TRIO: variants seen among roughly 807,000 people sequenced by gnomAD.
TRIO encodes triple functional domain protein.
Under a neutral mutation model 351.9 loss-of-function variants are expected in TRIO, and 58 were observed. The ratio of observed to expected loss-of-function variants is 0.16; its 90% CI spans 0.13 to 0.21. The LOEUF (loss-of-function observed/expected upper bound fraction) is 0.21, where lower values mean the gene tolerates loss of function less well. Ranked by LOEUF, TRIO falls within the 10% of genes least tolerant of loss-of-function variation. The probability of loss-of-function intolerance (pLI) is 1.00; values close to 1 mark genes in which losing one functional copy is unlikely to be tolerated. For missense variants in TRIO, 3,201 were observed against 4,027.8 expected, an observed-to-expected ratio of 0.79 and a Z score of 5.56; for synonymous variants, 1,758 against 1,595.7, an observed-to-expected ratio of 1.10 and a Z score of -2.42.
At chr5:14,254,175 A>G (rs1392111845) in intron 1 of TRIO, among the ~76,000 whole-genome samples, 3 of 152,030 alleles carry the variant, frequency 2.0e-5, no homozygotes, top group African/African-American at 7.2e-5. Context: ...TGGAGTCCTC[A>G]ATAGTTCTCC....
At chr5:14,331,770 C>A (rs1740925447) in intron 10 of TRIO, among the ~76,000 whole-genome samples, 1 of 152,144 alleles carries the variant, frequency 6.6e-6, no homozygotes, top group Non-Finnish European at 1.5e-5. Context: ...GAGTCAAGAA[C>A]TTCCTCGTAA....
At chr5:14,212,057 T>A (rs1291902863) in intron 1 of TRIO, among the ~76,000 whole-genome samples, 1 of 152,048 alleles carries the variant, frequency 6.6e-6, no homozygotes, top group Non-Finnish European at 1.5e-5. Context: ...GAGGATCACT[T>A]GAGCTTGGGA....
chr5:14,264,845 G>C (rs953380748), intron 1 of TRIO, among the ~76,000 whole-genome samples: 4 of 152,204 alleles, frequency 2.6e-5, no homozygotes, highest in Non-Finnish European at 5.9e-5. Flanking sequence ...AGCGAGGGCG[G>C]TGCCTGCCAA....
chr5:14,369,591 G>T, intron 18 of TRIO, 68 bp downstream of exon 18: 1 of 1,508,060 alleles, frequency 6.6e-7, no homozygotes, highest in Non-Finnish European at 8.9e-7. Flanking sequence ...GCGTGGCACA[G>T]TCATCGCTTC....
At position 14,218,643 on chromosome 5, in the gene TRIO, TC is replaced by T. The variant is rs569734888; in HGVS notation, c.158-52178del. ...GCAGTGGGGCTGGAGCAGGGGCCCC[TC>T]CCCACAGAGCTGTGGCTTCTGTGGT... On this transcript the variant is annotated intron_variant, in intron 1 of 56. Coordinates refer to ENST00000344204, the MANE Select transcript of TRIO (RefSeq NM_007118.4). 3.9e-5 allele frequency among the ~76,000 whole-genome samples: 6 copies of T among 152,326 alleles called. No homozygotes were observed. In the South Asian group the frequency reaches 6.2e-4, roughly 16 times the overall value.
At chr5:14,302,571 A>C (rs1737993872) in intron 7 of TRIO, among the ~76,000 whole-genome samples, 1 of 152,246 alleles carries the variant, frequency 6.6e-6, no homozygotes, top group Admixed American at 6.5e-5. Flanking sequence ...TTAATGCCGT[A>C]TGAACTGGCT....
Position 14,386,027 on chromosome 5 carries a change from CAGG to C in TRIO, c.3571-1408_3571-1406del, listed in dbSNP as rs1246191991. Among the ~76,000 whole-genome samples, 9 of 152,332 alleles carry C rather than the reference CAGG, an allele frequency of 5.9e-5. 1 individual carries two copies. In the East Asian group the frequency reaches 1.7e-3, roughly 29 times the overall value. ...CTGGGCTGTGAAGGTGACGTTCTCA[CAGG>C]AGAAGGACAGACGACGATTGTAAAA... On this transcript the variant is annotated intron_variant, in intron 21 of 56. Transcript: ENST00000344204.
intron 5 of TRIO, among the ~76,000 whole-genome samples, chr5:14,292,767 A>G (rs1176416664): frequency 6.6e-6 from 1 of 152,196 alleles, no homozygotes; most frequent in Non-Finnish European, 1.5e-5. Context: ...AACTCTCTTT[A>G]CTTATCTGCT....
intron 34 of TRIO, among the ~76,000 whole-genome samples, chr5:14,445,994 G>A (rs981029292): frequency 1.3e-5 from 2 of 152,174 alleles, no homozygotes; most frequent in East Asian, 1.9e-4. Context: ...GTCTGTGGCC[G>A]TGCCTTTCAT....
At chr5:14,384,972 A>G (rs1315013727) in intron 21 of TRIO, among the ~76,000 whole-genome samples, 1 of 152,234 alleles carries the variant, frequency 6.6e-6, no homozygotes, top group Admixed American at 6.5e-5. Flanking sequence ...GTGTCATAGC[A>G]AGGGAATAAA....
chr5:14,211,590 G>GTTTTTTTTTTTT (rs33992664), intron 1 of TRIO, among the ~76,000 whole-genome samples: 1 of 120,068 alleles, frequency 8.3e-6, no homozygotes, highest in Non-Finnish European at 1.7e-5. Flanking sequence ...ACACTCAGTT[G>GTTTTTTTTTTTT]TTTTTTTTTT....
At chr5:14,396,371 G>A (rs371587088) in intron 28 of TRIO, among the ~76,000 whole-genome samples, 7 of 148,282 alleles carry the variant, frequency 4.7e-5, no homozygotes, top group African/African-American at 1.7e-4. Flanking sequence ...CGCACAGTTG[G>A]ACCTGACATG....
At chr5:14,362,214 C>G (rs1744209475) in intron 13 of TRIO, among the ~76,000 whole-genome samples, 1 of 152,226 alleles carries the variant, frequency 6.6e-6, no homozygotes, top group African/African-American at 2.4e-5. Context: ...TTTTGCCAGA[C>G]TGGTTAAGCT....
At chr5:14,237,438 G>A (rs1793846969) in intron 1 of TRIO, among the ~76,000 whole-genome samples, 1 of 152,186 alleles carries the variant, frequency 6.6e-6, no homozygotes, top group African/African-American at 2.4e-5. Flanking sequence ...GTCGTGTGAT[G>A]GGGCCCGTAA....
At chr5:14,301,501 C>G (rs1346509371) in intron 7 of TRIO, among the ~76,000 whole-genome samples, 1 of 152,112 alleles carries the variant, frequency 6.6e-6, no homozygotes, top group African/African-American at 2.4e-5. Context: ...TCCTCATCTC[C>G]TAAGTGTCAG....
intron 40 of TRIO, among the ~76,000 whole-genome samples, chr5:14,475,061 A>G (rs1754959357): frequency 6.6e-6 from 1 of 152,168 alleles, no homozygotes; most frequent in African/African-American, 2.4e-5. Context: ...TATCCTAATC[A>G]GGAGGCAATC....
chr5:14,392,288 C>G (rs1330347950), intron 27 of TRIO, among the ~76,000 whole-genome samples: 1 of 151,514 alleles, frequency 6.6e-6, no homozygotes, highest in Non-Finnish European at 1.5e-5. Flanking sequence ...TGAACAGACA[C>G]TTTTCAAAAG....
chr5:14,295,093 A>G (rs1737234595), intron 6 of TRIO, among the ~76,000 whole-genome samples: 1 of 152,180 alleles, frequency 6.6e-6, no homozygotes, highest in Non-Finnish European at 1.5e-5. Flanking sequence ...ACCTCCACGA[A>G]TCCCTTGTAT....
intron 7 of TRIO, among the ~76,000 whole-genome samples, chr5:14,301,728 G>A (rs7716460): frequency 0.023 from 3,492 of 152,250 alleles, 140 homozygotes; most frequent in African/African-American, 0.08. Context: ...CTTTTTCTTT[G>A]TGGAGTATCT....
Sources: allele counts gnomAD v4.1 joint callset (sites outside exome capture counted in the v4.1 genomes callset), GRCh38; gene constraint gnomAD v4.1.1; transcripts MANE v1.5; gene names NCBI Gene and HGNC (gene_info 2026-07-23, HGNC 2026-07-21).